KIAA1549L: variants seen among roughly 807,000 people sequenced by gnomAD.
KIAA1549L encodes UPF0606 protein KIAA1549L.
KIAA1549L carries 88 observed loss-of-function variants against 160.7 expected under a neutral mutation model. The observed-to-expected ratio is 0.55, with a 90% CI of 0.46 to 0.65. KIAA1549L has a LOEUF of 0.65. KIAA1549L is among the 30% of genes least tolerant of loss of function. KIAA1549L has a pLI of 0.00. For missense variants in KIAA1549L, 2,258 were observed against 2,437.5 expected (o/e 0.93, Z 1.55); for synonymous variants, 950 against 976.7 (o/e 0.97, Z 0.51).
Position 33,645,713 on chromosome 11 carries a change from A to G in KIAA1549L, c.5437A>G (p.Asn1813Asp). The change falls in exon 17 of 21, where the codon AAC becomes GAC. Residue 1813 changes from asparagine to aspartate, a missense_variant. Around this residue, in one of 6 missense-constraint regions of KIAA1549L, gnomAD observed 1,359 missense variants for 1,546.6 expected, o/e 0.88. Transcript: ENST00000658780. ...DTEPEIIEET[N>D]IDRVPEPRGY... ...TGAGCCTGAAATCATAGAGGAAACC[A>G]ACATTGACAGAGTTCCTGAGCCCCG... 2 of 1,613,862 alleles carry G rather than the reference A, an allele frequency of 1.2e-6. No homozygotes were observed. Among genetic ancestry groups the G allele is most frequent in the Non-Finnish European group, 1.7e-6 (2 of 1,179,754 alleles).
chr11:33,530,334 G>A (rs1853710890), intron 1 of KIAA1549L, among the ~76,000 whole-genome samples: 1 of 149,490 alleles, frequency 6.7e-6, no homozygotes, highest in South Asian at 2.1e-4. Flanking sequence ...CCCAGGAGGT[G>A]GAGCTTGCAG....
intron 8 of KIAA1549L, among the ~76,000 whole-genome samples, chr11:33,562,845 A>AT (rs1461425665): frequency 6.6e-6 from 1 of 151,416 alleles, no homozygotes; most frequent in Non-Finnish European, 1.5e-5. Context: ...TAACCAGCTA[A>AT]TTTTTTTGTA....
intron 1 of KIAA1549L, among the ~76,000 whole-genome samples, chr11:33,460,577 A>G (rs1851922904): frequency 6.6e-6 from 1 of 152,146 alleles, no homozygotes; most frequent in Non-Finnish European, 1.5e-5. Flanking sequence ...TCCATGGATT[A>G]TATTTGGCTT....
intron 1 of KIAA1549L, among the ~76,000 whole-genome samples, chr11:33,475,496 A>G (rs558496466): frequency 6.6e-6 from 1 of 151,722 alleles, no homozygotes; most frequent in South Asian, 2.1e-4. Flanking sequence ...GTTCGAGGTT[A>G]TAGTAAGCTA....
intron 9 of KIAA1549L, among the ~76,000 whole-genome samples, chr11:33,568,453 A>G (rs1470343990): frequency 6.6e-6 from 1 of 152,160 alleles, no homozygotes; most frequent in Non-Finnish European, 1.5e-5. Flanking sequence ...GTCACTAACT[A>G]GGTTATAACA....
Position 33,543,581 on chromosome 11 carries a change from C to A in KIAA1549L, c.2018C>A (p.Pro673His). The change falls in exon 2 of 21, where the codon CCC becomes CAC. Residue 673 changes from proline to histidine, a missense_variant. This residue lies in a region of KIAA1549L where 287 missense variants were observed against 292.3 expected (regional missense o/e 0.98). Coordinates refer to ENST00000658780, the MANE Select transcript of KIAA1549L (RefSeq NM_012194.3). Reference protein sequence around the residue: ...ASASKQVRASPSSMDVYDSLT... With the variant: ...ASASKQVRASHSSMDVYDSLT... The stretch of plus-strand genomic sequence containing the variant: ...GCTTCCAAACAGGTGAGAGCATCGC[C>A]CTCCTCCATGGATGTATATGATTCC... The A allele has an allele frequency of 6.2e-7, 1 of 1,614,040 alleles. No homozygotes were observed. Among genetic ancestry groups the A allele is most frequent in the African/African-American group, 1.3e-5 (1 of 75,058 alleles).
intron 14 of KIAA1549L, among the ~76,000 whole-genome samples, chr11:33,607,167 T>C (rs959311025): frequency 2.6e-5 from 4 of 152,096 alleles, no homozygotes; most frequent in Non-Finnish European, 5.9e-5. Context: ...CTGTCCATTG[T>C]GGGATGTTGC....
intron 18 of KIAA1549L, among the ~76,000 whole-genome samples, chr11:33,658,152 G>A (rs749158791): frequency 6.8e-4 from 103 of 152,350 alleles, no homozygotes; most frequent in Non-Finnish European, 1.2e-3. Context: ...GAAATAGGAT[G>A]TGTTAAATGG....
chr11:33,655,772 T>TTC (rs1852042743), intron 17 of KIAA1549L, among the ~76,000 whole-genome samples: 1 of 152,138 alleles, frequency 6.6e-6, no homozygotes, highest in South Asian at 2.1e-4. Flanking sequence ...GAGACAGAAC[T>TTC]TGGCGTGTTC....
rs560268809 is a variant in KIAA1549L at position 33,446,308 on chromosome 11, T to A, written c.238+69419T>A. ...CAGGGTTTCACCATGTTGGCCAGGC[T>A]GGCCTTGAACTCCTGACCTCAAGTA... On this transcript the variant is annotated intron_variant, in intron 1 of 20. Transcript: ENST00000658780. Among the ~76,000 whole-genome samples the A allele has an allele frequency of 2.0e-5, 3 of 152,298 alleles. No individual in the cohort carries two copies. The East Asian group carries it at 5.8e-4, about 29-fold the overall frequency.
rs750034764 is a variant in KIAA1549L at position 33,609,952 on chromosome 11, C to G, written c.5265C>G (p.Thr1755=). 6.2e-7 allele frequency: 1 copy of G among 1,613,418 alleles called. No homozygotes were observed. The highest frequency in any genetic ancestry group is 1.1e-5 in the South Asian group (1 of 90,996). Residue 1755 remains threonine, a synonymous_variant, in exon 15 of 21, where the codon ACC becomes ACG. Transcript: ENST00000658780. ...DPDSELCAPF[T]ESKNRQQMKN... is the part of the protein sequence containing the mutation. ...ATTCAGAACTCTGTGCTCCATTCAC[C>G]GAGTCTAAAAACAGGTGCAGTCTCT...
intron 15 of KIAA1549L, among the ~76,000 whole-genome samples, chr11:33,614,531 G>GCTAA (rs879500574): frequency 3.7e-5 from 1 of 27,104 alleles, no homozygotes; most frequent in Non-Finnish European, 6.6e-5. Flanking sequence ...AGTGTAACAA[G>GCTAA]ATATATATAT....
intron 6 of KIAA1549L, 109 bp from the exon 7 acceptor site, chr11:33,559,640 C>A: frequency 1.2e-6 from 1 of 818,150 alleles, no homozygotes. Context: ...GACCCCCTTT[C>A]ATTCCTTCCC....
At chr11:33,441,555 G>A (rs1359931789) in intron 1 of KIAA1549L, among the ~76,000 whole-genome samples, 2 of 151,818 alleles carry the variant, frequency 1.3e-5, no homozygotes, top group South Asian at 2.1e-4. Context: ...AAATGTTCCT[G>A]TTTCTCCACA....
chr11:33,660,837 TC>T, intron 19 of KIAA1549L, 25 bp from the exon 20 acceptor site: 1 of 1,611,692 alleles, frequency 6.2e-7, no homozygotes, highest in African/African-American at 1.3e-5. Context: ...TCTCTTAACC[TC>T]CCTCCTCCAT....
intron 11 of KIAA1549L, among the ~76,000 whole-genome samples, chr11:33,588,430 T>TAAATGAGAGTGACGCA (rs1241863356): frequency 6.6e-6 from 1 of 152,180 alleles, no homozygotes; most frequent in Non-Finnish European, 1.5e-5. Flanking sequence ...CTTCATATTT[T>TAAATGAGAGTGACGCA]AAATGAGAGT....
chr11:33,585,933 T>TC (rs1434961955), intron 11 of KIAA1549L, among the ~76,000 whole-genome samples: 5 of 152,198 alleles, frequency 3.3e-5, no homozygotes, highest in Non-Finnish European at 7.3e-5. Flanking sequence ...CTGGTTGTTT[T>TC]CCCCCTCCAT....
intron 14 of KIAA1549L, among the ~76,000 whole-genome samples, chr11:33,607,951 T>C (rs1047321708): frequency 6.6e-6 from 1 of 152,202 alleles, no homozygotes; most frequent in Non-Finnish European, 1.5e-5. Context: ...ACCAAGAAGC[T>C]GAAGCTTGAG....
intron 16 of KIAA1549L, among the ~76,000 whole-genome samples, chr11:33,636,351 T>G (rs1237143849): frequency 6.8e-6 from 1 of 147,648 alleles, no homozygotes; most frequent in South Asian, 2.1e-4. Context: ...TGAATCTTCT[T>G]TTTTTTTTTT....
Sources: allele counts gnomAD v4.1 joint callset (sites outside exome capture counted in the v4.1 genomes callset), GRCh38; gene constraint gnomAD v4.1.1; regional missense constraint gnomAD v4.1.1; transcripts MANE v1.5; gene names NCBI Gene and HGNC (gene_info 2026-07-23, HGNC 2026-07-21).